The following FAM135B variants were observed in gnomAD, a reference collection of about 807,000 sequenced individuals.
The protein encoded by FAM135B is protein FAM135B.
In FAM135B, 43 loss-of-function variants were observed where a neutral mutation model predicts 127.7. That is an observed-to-expected ratio of 0.34 (90% confidence interval 0.26 to 0.43). The LOEUF is 0.43. Among genes scored for constraint, FAM135B ranks in the 20% least tolerant of loss-of-function variants. FAM135B has a pLI of 1.00. For synonymous variants in FAM135B, 670 were observed against 665.1 expected, an observed-to-expected ratio of 1.01 and a Z score of -0.11; for missense variants, 1,558 against 1,725.6, an observed-to-expected ratio of 0.90 and a Z score of 1.72.
At chr8:138,363,636 C>T (rs561635290) in intron 2 of FAM135B, among the ~76,000 whole-genome samples, 67 of 152,296 alleles carry the variant, frequency 4.4e-4, no homozygotes, top group African/African-American at 1.6e-3. Flanking sequence ...TCAAAGCCAA[C>T]ATCATTACAA....
At chr8:138,324,082 G>A (rs1054670610) in intron 2 of FAM135B, among the ~76,000 whole-genome samples, 6 of 152,144 alleles carry the variant, frequency 3.9e-5, no homozygotes, top group African/African-American at 1.4e-4. Context: ...GGTCAAAAGC[G>A]GAAACTGCAA....
chr8:138,283,767 A>G (rs1824460259), intron 3 of FAM135B, among the ~76,000 whole-genome samples: 1 of 152,140 alleles, frequency 6.6e-6, no homozygotes, highest in African/African-American at 2.4e-5. Context: ...TTGCACAGAC[A>G]CACCACTAAG....
rs562652425 is a variant in FAM135B, at chr8:138,187,543, G to T, written c.873+7715C>A. 3.8e-4 allele frequency among the ~76,000 whole-genome samples: 58 copies of T among 152,288 alleles called. No individual in the cohort carries two copies. The South Asian group carries it at 0.012, about 32-fold the overall frequency. ...TCTTTCTGTAACCTTAAGGTGGTGT[G>T]TAAGTTTCTGTAACTCACTGGGAAA... On this transcript the variant is annotated intron_variant, in intron 9 of 19. Coordinates refer to ENST00000395297, the MANE Select transcript of FAM135B (RefSeq NM_015912.4).
At chr8:138,181,259 G>C (rs760303104) in intron 9 of FAM135B, among the ~76,000 whole-genome samples, 1 of 152,062 alleles carries the variant, frequency 6.6e-6, no homozygotes, top group Admixed American at 6.6e-5. Context: ...AAGAAGAAAA[G>C]AAAAGTAAAA....
chr8:138,473,873 T>C (rs1226381312), intron 1 of FAM135B, among the ~76,000 whole-genome samples: 2 of 152,262 alleles, frequency 1.3e-5, no homozygotes, highest in East Asian at 3.9e-4. Flanking sequence ...CATAATTTTA[T>C]TGTTTTAATT....
intron 9 of FAM135B, among the ~76,000 whole-genome samples, chr8:138,179,649 C>T (rs1814821734): frequency 6.6e-6 from 1 of 152,176 alleles, no homozygotes; most frequent in Non-Finnish European, 1.5e-5. Flanking sequence ...ACGATAGGTG[C>T]TCCATAGCTT....
rs1344780470 is a variant in FAM135B at position 138,492,583 on chromosome 8, T to C, written c.-20+4088A>G. ...GACTGGCTTGCAAAACTCTCAAACGTGTAACCCTACCATCTCCCAAGCCTC... is the reference window on the plus strand; with the variant it reads ...GACTGGCTTGCAAAACTCTCAAACGCGTAACCCTACCATCTCCCAAGCCTC... On this transcript the variant is annotated intron_variant, in intron 1 of 19. Coordinates refer to ENST00000395297, the MANE Select transcript of FAM135B (RefSeq NM_015912.4). 2.0e-5 allele frequency among the ~76,000 whole-genome samples: 3 copies of C among 152,100 alleles called. 1 individual carries two copies. Among genetic ancestry groups the C allele is most frequent in the Admixed American group, 2.0e-4 (3 of 15,262 alleles).
At chr8:138,226,863 A>C (rs1819498296) in intron 7 of FAM135B, among the ~76,000 whole-genome samples, 1 of 151,296 alleles carries the variant, frequency 6.6e-6, no homozygotes, top group African/African-American at 2.4e-5. Context: ...CACCGAGCTA[A>C]TTTTTATATT....
intron 2 of FAM135B, 91 bp from the exon 3 acceptor site, chr8:138,311,011 G>A: frequency 2.1e-6 from 2 of 959,878 alleles, no homozygotes; most frequent in Non-Finnish European, 3.1e-6. Flanking sequence ...AAAGCCATAG[G>A]AAATCAGGGA....
chr8:138,308,282 C>G (rs1826411233), intron 3 of FAM135B, among the ~76,000 whole-genome samples: 1 of 152,230 alleles, frequency 6.6e-6, no homozygotes, highest in African/African-American at 2.4e-5. Flanking sequence ...GCCATCTTGG[C>G]TGCTCCATCC....
At chr8:138,423,509 C>T (rs1834651950) in intron 1 of FAM135B, among the ~76,000 whole-genome samples, 1 of 152,036 alleles carries the variant, frequency 6.6e-6, no homozygotes, top group Non-Finnish European at 1.5e-5. Flanking sequence ...AGCCGCAAAA[C>T]CAGCAAGTTT....
chr8:138,493,819 T>C (rs993402163), intron 1 of FAM135B, among the ~76,000 whole-genome samples: 2 of 150,770 alleles, frequency 1.3e-5, no homozygotes, highest in African/African-American at 5.0e-5. Flanking sequence ...CCCTGTGAGA[T>C]GGGTATTCAC....
chr8:138,449,921 T>C (rs557534269), intron 1 of FAM135B, among the ~76,000 whole-genome samples: 10 of 152,212 alleles, frequency 6.6e-5, no homozygotes, highest in Non-Finnish European at 1.0e-4. Flanking sequence ...ATAAATATTA[T>C]ATAATCTATG....
rs1818236088 is a variant in FAM135B at position 138,152,275 on chromosome 8, C to G, written c.2200G>C (p.Glu734Gln). 1 of 1,614,150 alleles carries G rather than the reference C, an allele frequency of 6.2e-7. No homozygotes were observed. ...CCGCTTGGCAAACTTGTGTTACTTT[C>G]TGTGTGTCCACCCTCTAGGGAGTTC... is the stretch of plus-strand genomic sequence containing the variant. ...HRNSLEGGHT[E>Q]SNTSLPSGIQ... Residue 734 changes from glutamate (E) to glutamine (Q), a missense_variant, in exon 13 of 20, where the codon GAA becomes CAA. Physicochemically the swap from Glu to Gln is conservative, Grantham distance 29. Coordinates refer to ENST00000395297, the MANE Select transcript of FAM135B (RefSeq NM_015912.4).
At position 138,141,492 on chromosome 8, in the gene FAM135B, C is replaced by T. The variant is rs1295963911; in HGVS notation, c.3639-143G>A. 1.2e-6 allele frequency: 1 copy of T among 814,424 alleles called. No homozygotes were observed. Among genetic ancestry groups the T allele is most frequent in the Non-Finnish European group, 2.0e-6 (1 of 501,432 alleles). The allele number at this position is 814,424 out of a possible 1,614,324, so 50.4% of individuals were successfully genotyped here. A position where few individuals can be genotyped will look rare whatever the true frequency, so the allele number is the denominator to read the frequency against. On this transcript the variant is annotated intron_variant, in intron 16 of 19. Transcript: ENST00000395297. This position sits in a 1 kb window ranked among gnomAD's most constrained non-coding sequence, Gnocchi z 4.7. ...TGGCAAAGAGAACAGGGACTGCCAA[C>T]TCAACCTCATCAGGTTTCAAAACAC...
At chr8:138,436,255 C>T (rs1236002235) in intron 1 of FAM135B, among the ~76,000 whole-genome samples, 1 of 152,068 alleles carries the variant, frequency 6.6e-6, no homozygotes, top group African/African-American at 2.4e-5. Context: ...GGGAAGAACT[C>T]GGTAAGATCA....
At chr8:138,268,312 G>A (rs1823102186) in intron 3 of FAM135B, among the ~76,000 whole-genome samples, 2 of 152,110 alleles carry the variant, frequency 1.3e-5, no homozygotes, top group Non-Finnish European at 2.9e-5. Flanking sequence ...ATTATCATTG[G>A]CCACATTTTT....
chr8:138,378,041 C>T (rs1372539634), intron 1 of FAM135B, among the ~76,000 whole-genome samples: 2 of 152,206 alleles, frequency 1.3e-5, no homozygotes, highest in Non-Finnish European at 2.9e-5. Flanking sequence ...CATTTGACTC[C>T]CAATCTTGGG....
At chr8:138,261,075 T>C (rs1176715890) in intron 4 of FAM135B, among the ~76,000 whole-genome samples, 1 of 151,796 alleles carries the variant, frequency 6.6e-6, no homozygotes, top group African/African-American at 2.4e-5. Flanking sequence ...CTGGTTACTG[T>C]GGAAATCGTG....
Sources: gnomAD v4.1 joint callset for allele counts (sites outside exome capture counted in the v4.1 genomes callset) on GRCh38, gnomAD v4.1.1 for gene constraint, Gnocchi (gnomAD v3.1) non-coding constraint, MANE v1.5 for transcripts, NCBI Gene and HGNC (gene_info 2026-07-23, HGNC 2026-07-21) for gene names.